PDGFD: variants seen among roughly 807,000 people sequenced by gnomAD.
PDGFD encodes platelet derived growth factor D, also known as platelet-derived growth factor D.
PDGFD carries 30 observed loss-of-function variants against 44.7 expected under a neutral mutation model. That is an observed-to-expected ratio of 0.67 (90% CI 0.50 to 0.91). PDGFD has a LOEUF of 0.91. Ranked by LOEUF, PDGFD falls within the 40% of genes least tolerant of loss-of-function variation. The probability of loss-of-function intolerance (pLI) is 0.00; values close to 1 mark genes in which losing one functional copy is unlikely to be tolerated. For synonymous variants in PDGFD, 173 were observed against 168.4 expected (o/e 1.03, Z -0.21); for missense variants, 445 against 457.8 (o/e 0.97, Z 0.25).
intron 3 of PDGFD, among the ~76,000 whole-genome samples, chr11:103,981,719 T>C (rs910550205): frequency 3.3e-5 from 5 of 151,894 alleles, no homozygotes; most frequent in East Asian, 1.9e-4. Flanking sequence ...TTTGGAGTGT[T>C]TGAAAACCTG....
intron 1 of PDGFD, among the ~76,000 whole-genome samples, chr11:104,137,853 C>G (rs1862033643): frequency 6.7e-6 from 1 of 148,568 alleles, no homozygotes; most frequent in African/African-American, 2.5e-5. Flanking sequence ...ATACCCAGAT[C>G]AAGCTGTTTT....
At chr11:103,934,744 G>A (rs1400961936) in intron 5 of PDGFD, among the ~76,000 whole-genome samples, 6 of 152,082 alleles carry the variant, frequency 3.9e-5, no homozygotes, top group African/African-American at 1.2e-4. Context: ...GAATAGCATG[G>A]GGAAAACCAT....
At chr11:104,113,255 C>G (rs758110020) in intron 1 of PDGFD, among the ~76,000 whole-genome samples, 4 of 151,998 alleles carry the variant, frequency 2.6e-5, no homozygotes, top group Admixed American at 6.6e-5. Flanking sequence ...TTTAGCTAGA[C>G]AGTATAGTGG....
At chr11:104,107,073 T>A (rs943390194) in intron 1 of PDGFD, among the ~76,000 whole-genome samples, 1 of 152,080 alleles carries the variant, frequency 6.6e-6, no homozygotes, top group African/African-American at 2.4e-5. Flanking sequence ...TAGGCAGGAC[T>A]CTGAAGATGA....
chr11:104,086,928 G>A (rs961626917), intron 1 of PDGFD, among the ~76,000 whole-genome samples: 21 of 150,064 alleles, frequency 1.4e-4, no homozygotes, highest in African/African-American at 5.1e-4. Context: ...TATAAACATC[G>A]TTAGAATCAG....
Position 104,163,802 on chromosome 11 carries a change from AC to A in PDGFD, c.124+1del, listed in dbSNP as rs1445425186. 6.5e-7 allele frequency: 1 copy of A among 1,532,090 alleles called. No homozygotes were observed. Among genetic ancestry groups the A allele is most frequent in the Non-Finnish European group, 8.9e-7 (1 of 1,127,030 alleles). 94.9% of individuals were successfully genotyped at this position (1,532,090 alleles called of 1,614,324 possible). ...AGTTAAAAAATAAAATGAGTCTCTT[AC>A]CATCTCGCCTGAGGTTGGCGTTGCG... On this transcript the variant is annotated splice_donor_variant, in intron 1 of 6. Coordinates refer to ENST00000393158, the MANE Select transcript of PDGFD (RefSeq NM_025208.5). LOFTEE classifies it high-confidence loss of function.
intron 1 of PDGFD, among the ~76,000 whole-genome samples, chr11:104,039,997 A>G (rs1284732410): frequency 6.6e-6 from 1 of 152,074 alleles, no homozygotes; most frequent in Non-Finnish European, 1.5e-5. Flanking sequence ...TGAGGTAGCT[A>G]TAATGTTTTG....
Position 104,117,069 on chromosome 11 carries a change from G to C in PDGFD, c.124+46735C>G, listed in dbSNP as rs189439012. ...GGTTTCATACCAGGGATGCAGGGATGGTTTAACATATGCAAGTCAATCAAT... is the reference window on the plus strand; with the variant it reads ...GGTTTCATACCAGGGATGCAGGGATCGTTTAACATATGCAAGTCAATCAAT... On this transcript the variant is annotated intron_variant, in intron 1 of 6. Transcript: ENST00000393158. Among the ~76,000 whole-genome samples, 52 of 151,938 alleles carry C rather than the reference G, an allele frequency of 3.4e-4. 1 individual carries two copies. The East Asian group carries it at 9.9e-3, about 29-fold the overall frequency.
intron 1 of PDGFD, among the ~76,000 whole-genome samples, chr11:104,070,465 C>T (rs1287720363): frequency 6.6e-6 from 1 of 152,132 alleles, no homozygotes; most frequent in Non-Finnish European, 1.5e-5. Flanking sequence ...TTTGCTCAAT[C>T]ACATAAAGAA....
At chr11:103,977,259 A>C (rs1859198063) in intron 3 of PDGFD, among the ~76,000 whole-genome samples, 1 of 152,156 alleles carries the variant, frequency 6.6e-6, no homozygotes, top group Non-Finnish European at 1.5e-5. Context: ...ATTCTACCAG[A>C]GGTACAAAGA....
intron 1 of PDGFD, among the ~76,000 whole-genome samples, chr11:104,098,948 T>C (rs1025073045): frequency 1.4e-5 from 2 of 148,012 alleles, no homozygotes; most frequent in South Asian, 4.4e-4. Flanking sequence ...AAACTTCTTA[T>C]ATACATTGAG....
At chr11:104,015,986 A>G (rs540812312) in intron 1 of PDGFD, among the ~76,000 whole-genome samples, 3 of 152,370 alleles carry the variant, frequency 2.0e-5, no homozygotes, top group Non-Finnish European at 4.4e-5. Flanking sequence ...AATTTTAAAT[A>G]GTAGTAAGCT....
At chr11:104,137,317 T>C (rs1862021675) in intron 1 of PDGFD, among the ~76,000 whole-genome samples, 1 of 152,066 alleles carries the variant, frequency 6.6e-6, no homozygotes, top group African/African-American at 2.4e-5. Flanking sequence ...ATCCTTGCTC[T>C]TCCGGAGCTT....
rs187650206 is a variant in PDGFD at position 104,059,782 on chromosome 11, A to T, written c.125-59527T>A. On this transcript the variant is annotated intron_variant, in intron 1 of 6. Transcript: ENST00000393158. ...AGGTCAACTAATCCGTTTCCAAGAT[A>T]GTACCCCTCTGACATTTATTTGTCT... Among the ~76,000 whole-genome samples the T allele has an allele frequency of 2.9e-3, 435 of 152,342 alleles. 13 individuals carry two copies. The highest frequency in any genetic ancestry group is 0.026 in the Admixed American group (402 of 15,302).
At chr11:104,095,808 A>C (rs1205184075) in intron 1 of PDGFD, among the ~76,000 whole-genome samples, 1 of 152,172 alleles carries the variant, frequency 6.6e-6, no homozygotes. Flanking sequence ...AATCCTGAGA[A>C]GGATGCATCC....
intron 1 of PDGFD, among the ~76,000 whole-genome samples, chr11:104,033,679 T>C (rs1860166851): frequency 6.6e-6 from 1 of 152,112 alleles, no homozygotes; most frequent in African/African-American, 2.4e-5. Flanking sequence ...CCCAGTATAA[T>C]CCTCCTCGCT....
intron 1 of PDGFD, among the ~76,000 whole-genome samples, chr11:104,144,170 G>C (rs777632958): frequency 6.6e-6 from 1 of 152,090 alleles, no homozygotes; most frequent in Non-Finnish European, 1.5e-5. Context: ...GCAACAACAA[G>C]AAAAGGAAAA....
chr11:104,047,751 G>T (rs2134403834), intron 1 of PDGFD, among the ~76,000 whole-genome samples: 1 of 151,178 alleles, frequency 6.6e-6, no homozygotes, highest in African/African-American at 2.4e-5. Context: ...ACTTTCCATG[G>T]TTTTATGAAG....
chr11:104,015,103 G>A (rs1387439046), intron 1 of PDGFD, among the ~76,000 whole-genome samples: 2 of 152,144 alleles, frequency 1.3e-5, no homozygotes, highest in Non-Finnish European at 2.9e-5. Context: ...TATTGCTGGT[G>A]AATCGCTTCC....
Sources: gnomAD v4.1 joint callset for allele counts (sites outside exome capture counted in the v4.1 genomes callset) on GRCh38, gnomAD v4.1.1 for gene constraint, MANE v1.5 for transcripts, NCBI Gene and HGNC (gene_info 2026-07-23, HGNC 2026-07-21) for gene names.